EML6: variants seen among roughly 807,000 people sequenced by gnomAD.
EML6 encodes echinoderm microtubule-associated protein-like 6.
Under a neutral mutation model 240.1 loss-of-function variants are expected in EML6, and 154 were observed. That is an observed-to-expected ratio of 0.64 (90% CI 0.56 to 0.73). EML6 has a LOEUF of 0.73. EML6 is among the 30% of genes least tolerant of loss of function. The pLI is 0.00. For missense variants in EML6, 2,964 were observed against 2,474.6 expected, an observed-to-expected ratio of 1.20 and a Z score of -4.20; for synonymous variants, 1,148 against 899.0, an observed-to-expected ratio of 1.28 and a Z score of -4.95.
chr2:54,745,517 CTG>C (rs1162715989), intron 2 of EML6, among the ~76,000 whole-genome samples: 2 of 152,250 alleles, frequency 1.3e-5, no homozygotes, highest in Admixed American at 6.5e-5. Flanking sequence ...TGGTCAATAT[CTG>C]TAATCTCAGC....
chr2:54,814,419 GA>G (rs1253482418), intron 3 of EML6, among the ~76,000 whole-genome samples: 1 of 152,130 alleles, frequency 6.6e-6, no homozygotes, highest in Non-Finnish European at 1.5e-5. Context: ...ATACGTTCTA[GA>G]AAAGAAAGTA....
At chr2:54,788,306 A>G (rs1669199890) in intron 2 of EML6, among the ~76,000 whole-genome samples, 1 of 152,114 alleles carries the variant, frequency 6.6e-6, no homozygotes, top group East Asian at 1.9e-4. Flanking sequence ...CTGTTATTTC[A>G]TGTGTTTTGT....
At chr2:54,929,925 A>C (rs563593278) in intron 28 of EML6, among the ~76,000 whole-genome samples, 2 of 152,310 alleles carry the variant, frequency 1.3e-5, no homozygotes, top group East Asian at 3.9e-4. Flanking sequence ...TTTTGCTTGC[A>C]ACATGGTTTT....
At chr2:54,966,394 G>A (rs906109355) in intron 38 of EML6, among the ~76,000 whole-genome samples, 14 of 152,236 alleles carry the variant, frequency 9.2e-5, no homozygotes, top group African/African-American at 3.4e-4. Context: ...ACTGCAGGGA[G>A]AGAGGAAGCT....
intron 16 of EML6, among the ~76,000 whole-genome samples, chr2:54,878,808 TGAA>T: frequency 6.6e-6 from 1 of 152,316 alleles, no homozygotes; most frequent in Middle Eastern, 3.4e-3. Flanking sequence ...ATATAATAGA[TGAA>T]GAAAGATAAG....
chr2:54,814,552 C>G (rs1200638996), intron 3 of EML6, among the ~76,000 whole-genome samples: 1 of 152,198 alleles, frequency 6.6e-6, no homozygotes, highest in East Asian at 1.9e-4. Context: ...CTCTCTCACC[C>G]TGCGTGTTTC....
chr2:54,805,245 C>G (rs540457542), intron 2 of EML6, among the ~76,000 whole-genome samples: 21 of 152,274 alleles, frequency 1.4e-4, no homozygotes, highest in Non-Finnish European at 2.6e-4. Flanking sequence ...CGATTTCTGG[C>G]TCTTTTAAAT....
chr2:54,938,166 C>T (rs1008373532), intron 28 of EML6, among the ~76,000 whole-genome samples: 1 of 152,082 alleles, frequency 6.6e-6, no homozygotes, highest in Non-Finnish European at 1.5e-5. Context: ...GCCAACATGG[C>T]AAAACTTTGT....
intron 2 of EML6, among the ~76,000 whole-genome samples, chr2:54,747,723 A>T (rs572162638): frequency 3.9e-5 from 6 of 152,312 alleles, no homozygotes; most frequent in African/African-American, 1.4e-4. Flanking sequence ...CCTAAGCAAA[A>T]ATTACTGTAC....
Position 54,725,083 on chromosome 2 carries a change from C to G in EML6, c.22C>G (p.Arg8Gly). 5 of 1,528,768 alleles carry G rather than the reference C, an allele frequency of 3.3e-6. No individual in the cohort carries two copies. The highest frequency in any genetic ancestry group is 4.4e-6 in the Non-Finnish European group (5 of 1,137,608). 94.7% of individuals were successfully genotyped at this position (1,528,768 alleles called of 1,614,324 possible). A position where few individuals can be genotyped will look rare whatever the true frequency, so the allele number is the denominator to read the frequency against. MADRTAP[R>G]CQLRLEWVYG... ...TATCATGGCGGATCGGACGGCGCCC[C>G]GCTGCCAGCTCCGGCTGGAGTGGGT... The change falls in exon 2 of 42, where the codon CGC becomes GGC. Residue 8 changes from arginine (R) to glycine (G), a missense_variant. Physicochemically the swap from Arg to Gly is moderately radical, Grantham distance 125. Transcript: ENST00000356458. The surrounding 1 kb of genome is among the most constrained non-coding windows in gnomAD (Gnocchi z 4.3).
chr2:54,875,337 A>G (rs183712918), intron 16 of EML6, among the ~76,000 whole-genome samples: 2 of 152,352 alleles, frequency 1.3e-5, no homozygotes, highest in East Asian at 3.9e-4. Flanking sequence ...AGAGGAGACT[A>G]CGTAGACCTC....
chr2:54,847,652 A>G, intron 9 of EML6, 29 bp downstream of exon 9: 1 of 1,549,276 alleles, frequency 6.5e-7, no homozygotes, highest in Non-Finnish European at 8.7e-7. Context: ...AATGGTATTT[A>G]GAAATGCTCT....
intron 26 of EML6, among the ~76,000 whole-genome samples, chr2:54,925,362 T>G (rs967587280): frequency 6.6e-6 from 1 of 152,210 alleles, no homozygotes; most frequent in Non-Finnish European, 1.5e-5. Context: ...GGCATTTTGT[T>G]ATGGCAACCC....
At chr2:54,914,933 C>A (rs1004624037) in intron 25 of EML6, among the ~76,000 whole-genome samples, 1 of 152,148 alleles carries the variant, frequency 6.6e-6, no homozygotes, top group African/African-American at 2.4e-5. Flanking sequence ...GAGGCAAACT[C>A]TCTGGAGCAA....
intron 30 of EML6, among the ~76,000 whole-genome samples, chr2:54,951,461 C>T (rs1241222206): frequency 1.3e-5 from 2 of 151,794 alleles, no homozygotes; most frequent in Non-Finnish European, 2.9e-5. Context: ...TTTGAGGTTG[C>T]TTGAACCTGG....
chr2:54,955,522 A>G (rs1207455112), intron 32 of EML6, among the ~76,000 whole-genome samples: 2 of 152,108 alleles, frequency 1.3e-5, no homozygotes, highest in African/African-American at 2.4e-5. Context: ...TTGCTTCATT[A>G]TATGTTTCTT....
At chr2:54,841,346 C>G (rs1034142628) in intron 7 of EML6, among the ~76,000 whole-genome samples, 3 of 152,192 alleles carry the variant, frequency 2.0e-5, no homozygotes, top group Non-Finnish European at 2.9e-5. Flanking sequence ...CTTTTTCCCA[C>G]CATTTCAAGA....
intron 37 of EML6, 121 bp downstream of exon 37, chr2:54,964,279 C>A (rs1235403861): frequency 5.1e-6 from 5 of 983,626 alleles, no homozygotes; most frequent in African/African-American, 1.6e-5. Context: ...TTTCAACAAG[C>A]CACCTATGAA....
rs1220898431 is a variant in EML6 at position 54,971,172 on chromosome 2, A to AG, written c.*1077_*1078insG. ...TAGGTCAAGTCCAGATTATAAAAAA[A>AG]TTATCTGCAGAACAAATTGTAAACC... On this transcript the variant is annotated 3_prime_UTR_variant, in exon 42 of 42. Transcript: ENST00000356458. 1 of 152,254 alleles carries AG rather than the reference A, an allele frequency of 6.6e-6. No individual in the cohort carries two copies. Among genetic ancestry groups the AG allele is most frequent in the Non-Finnish European group, 1.5e-5 (1 of 68,042 alleles). 9.4% of individuals were successfully genotyped at this position (152,254 alleles called of 1,614,324 possible).
Sources: allele counts gnomAD v4.1 joint callset (sites outside exome capture counted in the v4.1 genomes callset), GRCh38; gene constraint gnomAD v4.1.1; non-coding constraint Gnocchi (gnomAD v3.1); transcripts MANE v1.5; gene names NCBI Gene and HGNC (gene_info 2026-07-23, HGNC 2026-07-21).